Variants in MCF2L2 observed in about 807,000 individuals in gnomAD.
The protein encoded by MCF2L2 is probable guanine nucleotide exchange factor MCF2L2.
A neutral mutation model predicts 150.2 loss-of-function variants in MCF2L2; 102 were observed. The ratio of observed to expected loss-of-function variants is 0.68; its 90% confidence interval spans 0.58 to 0.80. The LOEUF (loss-of-function observed/expected upper bound fraction) is 0.80, where lower values mean the gene tolerates loss of function less well. Among genes scored for constraint, MCF2L2 ranks in the 30% least tolerant of loss-of-function variants. The pLI is 0.00. For synonymous variants in MCF2L2, 465 were observed against 491.3 expected (o/e 0.95, Z 0.71); for missense variants, 1,256 against 1,372.8 (o/e 0.91, Z 1.34).
intron 3 of MCF2L2, among the ~76,000 whole-genome samples, chr3:183,356,216 A>AT (rs1171695539): frequency 4.1e-5 from 6 of 145,596 alleles, no homozygotes; most frequent in African/African-American, 1.1e-4. Flanking sequence ...ACTCTTTATT[A>AT]TAAAAAAAAA....
chr3:183,310,789 C>G, intron 9 of MCF2L2, 126 bp downstream of exon 9: 1 of 649,230 alleles, frequency 1.5e-6, no homozygotes, highest in Non-Finnish European at 2.7e-6. Flanking sequence ...TGTAAAGAAG[C>G]AAGGAGATAA....
intron 14 of MCF2L2, among the ~76,000 whole-genome samples, chr3:183,285,571 G>A (rs1290607524): frequency 1.3e-5 from 2 of 152,288 alleles, no homozygotes; most frequent in South Asian, 4.1e-4. Context: ...ACAGCACCCA[G>A]TACAATGTCT....
chr3:183,210,062 A>T lies in MCF2L2; in HGVS notation c.2497-2239T>A, dbSNP rs557984048. Among the ~76,000 whole-genome samples, 129 of 152,354 alleles carry T rather than the reference A, an allele frequency of 8.5e-4. 1 individual carries two copies. Among genetic ancestry groups the T allele is most frequent in the African/African-American group, 2.6e-3 (108 of 41,582 alleles). On this transcript the variant is annotated intron_variant, in intron 22 of 29. Transcript: ENST00000328913. ...ATTTTAAACATTCGACGCATCTTAC[A>T]GAAATATATACAGTATAGACAGATA... is the stretch of plus-strand genomic sequence containing the variant.
intron 7 of MCF2L2, among the ~76,000 whole-genome samples, chr3:183,315,911 A>AC (rs1729583616): frequency 6.6e-6 from 1 of 152,112 alleles, no homozygotes; most frequent in Non-Finnish European, 1.5e-5. Flanking sequence ...GACTGACCAC[A>AC]TTGTCATCCC....
At chr3:183,351,219 TATATATA>T (rs1731115412) in intron 3 of MCF2L2, among the ~76,000 whole-genome samples, 2 of 91,944 alleles carry the variant, frequency 2.2e-5, no homozygotes, top group Admixed American at 2.1e-4. Flanking sequence ...TATATATATA[TATATATA>T]TATATATATA....
chr3:183,367,045 G>A (rs191809852), intron 3 of MCF2L2, among the ~76,000 whole-genome samples: 20 of 152,218 alleles, frequency 1.3e-4, no homozygotes, highest in African/African-American at 4.8e-4. Flanking sequence ...AGTAACTGAT[G>A]GGGTATAAGG....
Position 183,205,928 on chromosome 3 carries a change from A to G in MCF2L2, c.2832T>C (p.Cys944=). 2 of 1,614,122 alleles carry G rather than the reference A, an allele frequency of 1.2e-6. No homozygotes were observed. The highest frequency in any genetic ancestry group is 8.5e-7 in the Non-Finnish European group (1 of 1,179,956). Reference sequence around the variant, plus strand: ...ATAATTTACTTATTTCTGAAAACCAACAGTCTCTGATTTCTTTTGAAGCTG... The same window carrying G: ...ATAATTTACTTATTTCTGAAAACCAGCAGTCTCTGATTTCTTTTGAAGCTG... ...LQAASKEIRD[C]WFSEISKLLM... is the part of the protein sequence containing the mutation. The change falls in exon 25 of 30, where the codon TGT becomes TGC. Residue 944 remains cysteine (C), a synonymous_variant. Transcript: ENST00000328913.
intron 6 of MCF2L2, 68 bp from the exon 7 acceptor site, chr3:183,318,285 A>C: frequency 1.3e-6 from 2 of 1,546,000 alleles, no homozygotes; most frequent in Non-Finnish European, 1.8e-6. Flanking sequence ...CTTGATGGAA[A>C]GACAACAGAT....
intron 15 of MCF2L2, among the ~76,000 whole-genome samples, chr3:183,254,932 G>GTA (rs1232173591): frequency 2.0e-5 from 3 of 152,208 alleles, no homozygotes; most frequent in Admixed American, 2.0e-4. Flanking sequence ...TACCATATAG[G>GTA]TAAAAGTAAC....
intron 14 of MCF2L2, among the ~76,000 whole-genome samples, chr3:183,281,922 T>G (rs1362913209): frequency 7.0e-6 from 1 of 142,998 alleles, no homozygotes; most frequent in Non-Finnish European, 1.5e-5. Context: ...TGAGACAAGG[T>G]CTTGCTCTGT....
At chr3:183,260,977 A>G (rs905041322) in intron 15 of MCF2L2, among the ~76,000 whole-genome samples, 2 of 152,250 alleles carry the variant, frequency 1.3e-5, no homozygotes, top group African/African-American at 4.8e-5. Flanking sequence ...AAACACTTGA[A>G]GACAGCCATT....
chr3:183,292,025 T>G (rs1182196515), intron 13 of MCF2L2, among the ~76,000 whole-genome samples: 1 of 152,156 alleles, frequency 6.6e-6, no homozygotes, highest in African/African-American at 2.4e-5. Flanking sequence ...AGGATGTCTC[T>G]GTGTATGTTT....
chr3:183,351,731 G>A (rs939984974), intron 3 of MCF2L2, among the ~76,000 whole-genome samples: 5 of 152,188 alleles, frequency 3.3e-5, no homozygotes, highest in African/African-American at 1.2e-4. Flanking sequence ...TTGAATGGCA[G>A]TGCCCAGAGT....
intron 1 of MCF2L2, among the ~76,000 whole-genome samples, chr3:183,395,236 G>A (rs1269349467): frequency 1.3e-5 from 2 of 152,030 alleles, no homozygotes. Context: ...TGAAAAAATG[G>A]AACCAATCAT....
intron 3 of MCF2L2, among the ~76,000 whole-genome samples, chr3:183,349,350 T>C (rs963117896): frequency 6.6e-6 from 1 of 152,250 alleles, no homozygotes; most frequent in African/African-American, 2.4e-5. Flanking sequence ...TCCTAAGCAC[T>C]ACTTTTATCT....
intron 10 of MCF2L2, among the ~76,000 whole-genome samples, chr3:183,304,558 G>A (rs1428853014): frequency 6.8e-6 from 1 of 147,482 alleles, no homozygotes; most frequent in Non-Finnish European, 1.5e-5. Flanking sequence ...TTCTGCCTCC[G>A]GGGTTCAAGC....
intron 22 of MCF2L2, among the ~76,000 whole-genome samples, chr3:183,209,469 C>T (rs1348031741): frequency 6.6e-6 from 1 of 152,088 alleles, no homozygotes; most frequent in East Asian, 1.9e-4. Context: ...CAAAATTTTG[C>T]TTCACGCACA....
chr3:183,276,876 G>A lies in MCF2L2; in HGVS notation c.1858C>T (p.Arg620Cys), dbSNP rs748684574. 12 of 1,605,992 alleles carry A rather than the reference G, an allele frequency of 7.5e-6. No homozygotes were observed. The highest frequency in any genetic ancestry group is 4.0e-5 in the African/African-American group (3 of 74,756). The change falls in exon 15 of 30, where the codon CGC becomes TGC. Residue 620 changes from arginine (R) to cysteine (C), a missense_variant. Arg to Cys is a radical substitution (Grantham distance 180, BLOSUM62 -3). Coordinates refer to ENST00000328913, the MANE Select transcript of MCF2L2 (RefSeq NM_015078.4). ...QQARLGDLSP[R>C]RRIIRDLLET... ...CCCACGGATGTGCAGTCTTACCTGC[G>A]GGGGGAAAGGTCTCCGAGCCTGGCC...
At chr3:183,273,723 A>G (rs1355876870) in intron 15 of MCF2L2, among the ~76,000 whole-genome samples, 1 of 152,130 alleles carries the variant, frequency 6.6e-6, no homozygotes, top group Non-Finnish European at 1.5e-5. Context: ...CCTTTTGTAT[A>G]TTTAGATGTG....
Sources: gnomAD v4.1 joint callset for allele counts (sites outside exome capture counted in the v4.1 genomes callset) on GRCh38, gnomAD v4.1.1 for gene constraint, MANE v1.5 for transcripts, NCBI Gene and HGNC (gene_info 2026-07-23, HGNC 2026-07-21) for gene names.